Variants in AXDND1 observed in about 807,000 individuals in gnomAD.
The protein encoded by AXDND1 is axonemal dynein light chain domain-containing protein 1.
A neutral mutation model predicts 137.5 loss-of-function variants in AXDND1; 110 were observed. The observed-to-expected ratio is 0.80, with a 90% CI of 0.69 to 0.94. The LOEUF (loss-of-function observed/expected upper bound fraction) is 0.94, where lower values mean the gene tolerates loss of function less well. Among genes scored for constraint, AXDND1 ranks in the 40% least tolerant of loss-of-function variants. AXDND1 has a pLI of 0.00. For missense variants in AXDND1, 1,191 were observed against 1,169.8 expected, an observed-to-expected ratio of 1.02 and a Z score of -0.26; for synonymous variants, 414 against 399.7, an observed-to-expected ratio of 1.04 and a Z score of -0.43.
At chr1:179,539,020 T>C (rs569154796) in intron 25 of AXDND1, among the ~76,000 whole-genome samples, 6 of 152,060 alleles carry the variant, frequency 3.9e-5, no homozygotes, top group African/African-American at 1.2e-4. Flanking sequence ...TCAACCCCTT[T>C]TTTTTGTTTT....
chr1:179,416,296 T>A (rs1205048358), intron 12 of AXDND1, among the ~76,000 whole-genome samples: 1 of 152,226 alleles, frequency 6.6e-6, no homozygotes, highest in Non-Finnish European at 1.5e-5. Context: ...TGAATAATAT[T>A]CCATTGGGTT....
intron 16 of AXDND1, chr1:179,448,415 G>A: frequency 1.7e-6 from 1 of 584,798 alleles, no homozygotes; most frequent in Non-Finnish European, 3.2e-6. Flanking sequence ...CATTATGCAT[G>A]TGATTTGTAT....
intron 11 of AXDND1, among the ~76,000 whole-genome samples, chr1:179,395,507 T>C (rs948716369): frequency 6.6e-6 from 1 of 152,190 alleles, no homozygotes; most frequent in African/African-American, 2.4e-5. Flanking sequence ...TAACATAGAT[T>C]CTGGAACCAT....
chr1:179,475,132 A>G (rs1664450998), intron 17 of AXDND1, among the ~76,000 whole-genome samples: 1 of 152,256 alleles, frequency 6.6e-6, no homozygotes, highest in Non-Finnish European at 1.5e-5. Flanking sequence ...TTGGATGTCC[A>G]GGCAGAGGTC....
At chr1:179,511,395 T>G (rs865857437) in intron 21 of AXDND1, among the ~76,000 whole-genome samples, 180 of 128,500 alleles carry the variant, frequency 1.4e-3, no homozygotes, top group African/African-American at 4.4e-3. Context: ...GTATATGGGG[T>G]GTGTGTGTGT....
chr1:179,535,839 A>G (rs1288487864), intron 25 of AXDND1, among the ~76,000 whole-genome samples: 1 of 150,832 alleles, frequency 6.6e-6, no homozygotes, highest in Admixed American at 6.6e-5. Flanking sequence ...CACTCCCACC[A>G]ACAGTGTAAA....
At chr1:179,415,163 G>A (rs1654506998) in intron 12 of AXDND1, among the ~76,000 whole-genome samples, 1 of 152,140 alleles carries the variant, frequency 6.6e-6, no homozygotes, top group African/African-American at 2.4e-5. Context: ...CCAACATGGT[G>A]AAACCCCATC....
chr1:179,498,083 C>A (rs1203575582), intron 20 of AXDND1, among the ~76,000 whole-genome samples: 1 of 152,026 alleles, frequency 6.6e-6, no homozygotes, highest in Non-Finnish European at 1.5e-5. Flanking sequence ...GCCATACTGC[C>A]CAAAGCAGTT....
In AXDND1 at chr1:179,488,491, C is replaced by T. The variant is rs960912535; in HGVS notation, c.2092-3047C>T. Among the ~76,000 whole-genome samples, 3 of 147,944 alleles carry T rather than the reference C, an allele frequency of 2.0e-5. No homozygotes were observed. The South Asian group carries it at 6.3e-4, about 31-fold the overall frequency. ...AAATTGCCCAGGCTGGTCTTGAACTCTTGAGCTCAGGCAATCCTCCCACCT... is the reference window on the plus strand; with the variant it reads ...AAATTGCCCAGGCTGGTCTTGAACTTTTGAGCTCAGGCAATCCTCCCACCT... On this transcript the variant is annotated intron_variant, in intron 18 of 25. Transcript: ENST00000367618.
chr1:179,543,903 A>C (rs1454566477), intron 25 of AXDND1: 2 of 152,664 alleles, frequency 1.3e-5, no homozygotes, highest in Non-Finnish European at 2.9e-5. Context: ...AGATATTATT[A>C]CTACAATATT....
In AXDND1 at chr1:179,533,848, T is replaced by G; in HGVS notation, c.2769T>G (p.Ala923=). ...CCCAAAAATATCTTGAAGCAATGGC[T>G]GTAATTGAACATATGCAGGAGAAGT... The part of the protein sequence containing the change: ...TLAQKYLEAM[A]VIEHMQEKLL... The change falls in exon 24 of 26, where the codon GCT becomes GCG. Residue 923 remains alanine (A), a synonymous_variant. Coordinates refer to ENST00000367618, the MANE Select transcript of AXDND1 (RefSeq NM_144696.6). 1.9e-6 allele frequency: 3 copies of G among 1,613,346 alleles called. No homozygotes were observed. Among genetic ancestry groups the G allele is most frequent in the Non-Finnish European group, 2.5e-6 (3 of 1,179,440 alleles).
intron 21 of AXDND1, among the ~76,000 whole-genome samples, chr1:179,511,393 G>GGTGTGTGTGTGT (rs59772845): frequency 3.4e-5 from 5 of 145,120 alleles, no homozygotes; most frequent in East Asian, 2.0e-4. Context: ...TGGTATATGG[G>GGTGTGTGTGTGT]GTGTGTGTGT....
chr1:179,456,543 C>A, intron 16 of AXDND1: 1 of 776,348 alleles, frequency 1.3e-6, no homozygotes. Context: ...ACTTCCATAG[C>A]CTCTGCTTCC....
At chr1:179,408,153 C>T (rs1197213107) in intron 11 of AXDND1, among the ~76,000 whole-genome samples, 1 of 152,044 alleles carries the variant, frequency 6.6e-6, no homozygotes, top group African/African-American at 2.4e-5. Flanking sequence ...AGTTTCTCAT[C>T]CAGATCATGG....
intron 17 of AXDND1, among the ~76,000 whole-genome samples, chr1:179,480,573 C>T (rs1430728165): frequency 1.3e-5 from 2 of 152,204 alleles, no homozygotes; most frequent in Non-Finnish European, 2.9e-5. Context: ...GTTCTGGTCA[C>T]TCTCACAGGC....
At chr1:179,457,726 T>C (rs976013563) in intron 16 of AXDND1, among the ~76,000 whole-genome samples, 3 of 152,158 alleles carry the variant, frequency 2.0e-5, no homozygotes, top group Admixed American at 2.0e-4. Flanking sequence ...TGTAATACAA[T>C]GTACAACCTC....
intron 21 of AXDND1, among the ~76,000 whole-genome samples, chr1:179,512,590 T>G (rs969842024): frequency 6.6e-6 from 1 of 152,172 alleles, no homozygotes; most frequent in African/African-American, 2.4e-5. Flanking sequence ...TTTTTTCTAA[T>G]TATGTGAAGA....
intron 17 of AXDND1, among the ~76,000 whole-genome samples, chr1:179,480,552 G>GA (rs1195639674): frequency 6.6e-6 from 1 of 152,166 alleles, no homozygotes; most frequent in Non-Finnish European, 1.5e-5. Flanking sequence ...TGAAGTTTTT[G>GA]AAAAACCAGA....
chr1:179,509,554 C>G, intron 21 of AXDND1, 151 bp downstream of exon 21: 1 of 566,418 alleles, frequency 1.8e-6, no homozygotes, highest in South Asian at 2.3e-5. Context: ...TCTTTCACAG[C>G]TCTTCTTCCC....
Sources: allele counts gnomAD v4.1 joint callset (sites outside exome capture counted in the v4.1 genomes callset), GRCh38; gene constraint gnomAD v4.1.1; transcripts MANE v1.5; gene names NCBI Gene and HGNC (gene_info 2026-07-23, HGNC 2026-07-21).